The following RFC1 variants were observed in gnomAD, a reference collection of about 807,000 sequenced individuals.
RFC1 encodes the protein replication factor C subunit 1, also known as A1 140 kDa subunit.
Under a neutral mutation model 137.4 loss-of-function variants are expected in RFC1, and 37 were observed. That is an observed-to-expected ratio of 0.27 (90% CI 0.21 to 0.35). The LOEUF (loss-of-function observed/expected upper bound fraction) is 0.35, where lower values mean the gene tolerates loss of function less well. Among genes scored for constraint, RFC1 ranks in the 10% least tolerant of loss-of-function variants. RFC1 has a pLI of 1.00. For missense variants in RFC1, 1,205 were observed against 1,358.5 expected, an observed-to-expected ratio of 0.89 and a Z score of 1.78; for synonymous variants, 429 against 455.7, an observed-to-expected ratio of 0.94 and a Z score of 0.75.
chr4:39,304,153 G>A (rs1182344152), intron 15 of RFC1, among the ~76,000 whole-genome samples: 2 of 152,138 alleles, frequency 1.3e-5, no homozygotes, highest in African/African-American at 4.8e-5. Flanking sequence ...AAGAATTCAG[G>A]TGACAAAACA....
At chr4:39,315,891 C>T (rs1040892105) in intron 10 of RFC1, among the ~76,000 whole-genome samples, 1 of 152,182 alleles carries the variant, frequency 6.6e-6, no homozygotes, top group African/African-American at 2.4e-5. Context: ...GCAGCCAGAG[C>T]GATCTTTCAG....
intron 10 of RFC1, among the ~76,000 whole-genome samples, chr4:39,314,300 A>G (rs1052918248): frequency 6.6e-6 from 1 of 152,196 alleles, no homozygotes; most frequent in African/African-American, 2.4e-5. Flanking sequence ...CTTCTGAACA[A>G]ACTCAAAACA....
rs989623254 is a variant in RFC1 at position 39,365,469 on chromosome 4, A to G, written c.3+770T>C. ...CCATATCCATTGCCATACCATCAGGAATGTCTGCTTTGCTGGCTGCATAAT... is the reference window on the plus strand; with the variant it reads ...CCATATCCATTGCCATACCATCAGGGATGTCTGCTTTGCTGGCTGCATAAT... On this transcript the variant is annotated intron_variant, in intron 1 of 24. Transcript: ENST00000349703. 23 of 985,354 alleles carry G rather than the reference A, an allele frequency of 2.3e-5. No homozygotes were observed. The Admixed American group carries it at 3.7e-4, about 16-fold the overall frequency. The allele number at this position is 985,354 out of a possible 1,614,324, so 61.0% of individuals were successfully genotyped here.
chr4:39,310,689 G>A (rs1738921073), intron 12 of RFC1, among the ~76,000 whole-genome samples: 1 of 152,170 alleles, frequency 6.6e-6, no homozygotes, highest in Non-Finnish European at 1.5e-5. Context: ...TTAGTTATGT[G>A]AGCCAACATT....
At chr4:39,305,602 T>A (rs1017437053) in intron 14 of RFC1, among the ~76,000 whole-genome samples, 8 of 151,972 alleles carry the variant, frequency 5.3e-5, no homozygotes, top group African/African-American at 1.9e-4. Flanking sequence ...AGTAAAACTG[T>A]GTCTCAAAAC....
At chr4:39,340,231 T>G (rs1159441871) in intron 4 of RFC1, among the ~76,000 whole-genome samples, 2 of 152,158 alleles carry the variant, frequency 1.3e-5, no homozygotes, top group Non-Finnish European at 2.9e-5. Flanking sequence ...AAAGTCAGAA[T>G]ACAGAAGATA....
At chr4:39,348,074 A>G (rs1740946894) in intron 2 of RFC1, among the ~76,000 whole-genome samples, 1 of 152,170 alleles carries the variant, frequency 6.6e-6, no homozygotes, top group Non-Finnish European at 1.5e-5. Context: ...GTCAGCCAAA[A>G]GGGACCAGAA....
At chr4:39,351,276 A>ACTT in intron 2 of RFC1, 72 bp downstream of exon 2, 1 of 545,520 alleles carries the variant, frequency 1.8e-6, no homozygotes, top group Non-Finnish European at 2.6e-6. Flanking sequence ...AAAAAAAAAA[A>ACTT]AAAAAAAAAC....
At chr4:39,341,294 C>A (rs1021574005) in intron 4 of RFC1, among the ~76,000 whole-genome samples, 1 of 152,156 alleles carries the variant, frequency 6.6e-6, no homozygotes, top group Non-Finnish European at 1.5e-5. Context: ...TCCCCTCCCA[C>A]GTATTCAAAA....
At chr4:39,328,086 T>C (rs1010792915) in intron 4 of RFC1, among the ~76,000 whole-genome samples, 3 of 152,150 alleles carry the variant, frequency 2.0e-5, no homozygotes, top group Admixed American at 1.3e-4. Context: ...TTAGCTGTGA[T>C]TGCACCACTG....
chr4:39,361,180 G>A (rs1239747274), intron 1 of RFC1, among the ~76,000 whole-genome samples: 1 of 152,086 alleles, frequency 6.6e-6, no homozygotes, highest in Non-Finnish European at 1.5e-5. Flanking sequence ...CCTGAGGCCA[G>A]GAGCTCGAGA....
chr4:39,313,689 A>G (rs577520305), intron 10 of RFC1, among the ~76,000 whole-genome samples: 1 of 125,886 alleles, frequency 7.9e-6, no homozygotes, highest in Admixed American at 7.9e-5. Flanking sequence ...GTTTTATGGG[A>G]AAAAAGGGAA....
At chr4:39,296,531 C>T (rs1738018434) in intron 21 of RFC1, among the ~76,000 whole-genome samples, 2 of 146,636 alleles carry the variant, frequency 1.4e-5, no homozygotes, top group South Asian at 4.5e-4. Flanking sequence ...CAATAGTTTA[C>T]TGAGAATGAT....
At chr4:39,351,254 A>C (rs1019991870) in intron 2 of RFC1, 94 bp downstream of exon 2, 3 of 934 alleles carry the variant, frequency 3.2e-3, no homozygotes, top group South Asian at 0.083. Context: ...CTGTCTCAGG[A>C]AAAAAAAAAA....
intron 3 of RFC1, 38 bp from the exon 4 acceptor site, chr4:39,342,505 G>T (rs1740655847): frequency 6.3e-7 from 1 of 1,597,728 alleles, no homozygotes; most frequent in Non-Finnish European, 8.5e-7. Context: ...ACTTTGAAAA[G>T]AACTATTATA....
chr4:39,309,058 A>G, intron 12 of RFC1, 26 bp from the exon 13 acceptor site: 1 of 1,565,058 alleles, frequency 6.4e-7, no homozygotes, highest in Non-Finnish European at 8.6e-7. Context: ...AATGAGGAAA[A>G]AAGAAACCTG....
intron 6 of RFC1, among the ~76,000 whole-genome samples, chr4:39,326,073 G>A (rs192020862): frequency 1.1e-4 from 16 of 152,224 alleles, no homozygotes; most frequent in African/African-American, 3.1e-4. Context: ...AGTGGTGGGC[G>A]CCTGTAGTCT....
chr4:39,294,197 A>G (rs1737849499), intron 22 of RFC1, among the ~76,000 whole-genome samples: 2 of 152,230 alleles, frequency 1.3e-5, no homozygotes, highest in Non-Finnish European at 2.9e-5. Flanking sequence ...AGCACAAAAG[A>G]CTCATGCCAT....
At position 39,327,696 on chromosome 4, in the gene RFC1, G is replaced by C. The variant is rs750301952; in HGVS notation, c.392C>G (p.Ser131Cys). The C allele has an allele frequency of 5.0e-6, 8 of 1,612,998 alleles. No homozygotes were observed. Among genetic ancestry groups the C allele is most frequent in the Non-Finnish European group, 8.5e-7 (1 of 1,179,654 alleles). ...AASKSKENGR[S>C]TNSHLGTSNM... ...TGATGTTCCAAGATGACTATTTGTA[G>C]ATCTTCCATTCTCTTTTGATTTAGA... is the stretch of plus-strand genomic sequence containing the variant. Residue 131 changes from serine (S) to cysteine (C), a missense_variant, in exon 5 of 25, where the codon TCT becomes TGT. Around this residue, in one of 3 missense-constraint regions of RFC1, gnomAD observed 962 missense variants for 1,035.3 expected, o/e 0.93. Transcript: ENST00000349703.
Sources: allele counts gnomAD v4.1 joint callset (sites outside exome capture counted in the v4.1 genomes callset), GRCh38; gene constraint gnomAD v4.1.1; regional missense constraint gnomAD v4.1.1; transcripts MANE v1.5; gene names NCBI Gene and HGNC (gene_info 2026-07-23, HGNC 2026-07-21).